The following CSMD2 variants were observed in gnomAD, a reference collection of about 807,000 sequenced individuals.
The protein encoded by CSMD2 is CUB and Sushi multiple domains 2, also known as CUB and sushi domain-containing protein 2.
CSMD2 carries 130 observed loss-of-function variants against 398.5 expected under a neutral mutation model. The observed-to-expected ratio is 0.33, with a 90% confidence interval of 0.28 to 0.38. The LOEUF (loss-of-function observed/expected upper bound fraction) is 0.38. Among genes scored for constraint, CSMD2 ranks in the 10% least tolerant of loss-of-function variants. The pLI, the probability that CSMD2 is intolerant of heterozygous loss-of-function variation, is 1.00. For missense variants in CSMD2, 3,829 were observed against 4,764.9 expected, an observed-to-expected ratio of 0.80 and a Z score of 5.78; for synonymous variants, 1,828 against 1,908.5, an observed-to-expected ratio of 0.96 and a Z score of 1.10.
intron 5 of CSMD2, among the ~76,000 whole-genome samples, chr1:33,915,371 C>T (rs1455655424): frequency 6.6e-6 from 1 of 152,176 alleles, no homozygotes; most frequent in Admixed American, 6.5e-5. Context: ...CCTGAGTCTC[C>T]AAGTTTGTTT....
At position 33,567,845 on chromosome 1, in the gene CSMD2, G is replaced by A. The variant is rs1570758010; in HGVS notation, c.8132-4C>T. 1 of 1,568,338 alleles carries A rather than the reference G, an allele frequency of 6.4e-7. No individual in the cohort carries two copies. The highest frequency in any genetic ancestry group is 1.2e-5 in the South Asian group (1 of 85,666). On this transcript the variant is annotated splice_region_variant and splice_polypyrimidine_tract_variant and intron_variant, in intron 52 of 70. Coordinates refer to ENST00000373381, the MANE Select transcript of CSMD2 (RefSeq NM_001281956.2). ...GAGTGGAGCTTGGTCTGAGTGGCTA[G>A]AGACAGGGATGGTGGGGAAAAGGAC...
chr1:34,011,034 A>C (rs145510288), intron 3 of CSMD2, among the ~76,000 whole-genome samples: 2,053 of 152,008 alleles, frequency 0.014, 27 homozygotes, highest in Non-Finnish European at 0.019. Context: ...ATTCACCTTA[A>C]GTCTGGCTTG....
chr1:33,636,667 C>G lies in CSMD2; in HGVS notation c.4775-113G>C, dbSNP rs149404521. 1 of 783,960 alleles carries G rather than the reference C, an allele frequency of 1.3e-6. No homozygotes were observed. The highest frequency in any genetic ancestry group is 2.1e-6 in the Non-Finnish European group (1 of 480,234). 48.6% of individuals were successfully genotyped at this position (783,960 alleles called of 1,614,324 possible). A position where few individuals can be genotyped will look rare whatever the true frequency, so the allele number is the denominator to read the frequency against. Reference sequence around the variant, plus strand: ...CGACTTTAATTAGCCACAGAGCACACGGGGATGCGTGACTGTGGCTCCTAT... The same window carrying G: ...CGACTTTAATTAGCCACAGAGCACAGGGGGATGCGTGACTGTGGCTCCTAT... On this transcript the variant is annotated intron_variant, in intron 29 of 70. Transcript: ENST00000373381. The surrounding 1 kb of genome is among the most constrained non-coding windows in gnomAD (Gnocchi z 4.8).
chr1:33,991,424 C>T (rs1646549896), intron 3 of CSMD2, among the ~76,000 whole-genome samples: 1 of 152,192 alleles, frequency 6.6e-6, no homozygotes, highest in South Asian at 2.1e-4. Context: ...TACCGCTGTA[C>T]ATCCTACATG....
At chr1:33,538,984 T>C (rs991004073) in intron 60 of CSMD2, among the ~76,000 whole-genome samples, 2 of 152,150 alleles carry the variant, frequency 1.3e-5, no homozygotes, top group Non-Finnish European at 2.9e-5. Context: ...ATTTTTTTTT[T>C]TGAGATGGAG....
intron 64 of CSMD2, among the ~76,000 whole-genome samples, chr1:33,532,344 G>A (rs1373604807): frequency 6.6e-6 from 1 of 152,206 alleles, no homozygotes; most frequent in Non-Finnish European, 1.5e-5. Context: ...TATCTGGTGA[G>A]GTGAGTGCCT....
chr1:34,008,517 A>C (rs1391956798), intron 3 of CSMD2, among the ~76,000 whole-genome samples: 2 of 152,182 alleles, frequency 1.3e-5, no homozygotes, highest in African/African-American at 4.8e-5. Flanking sequence ...AAGTCAGTAG[A>C]CTTGCGCCCA....
At chr1:33,690,720 G>A (rs1316710704) in intron 25 of CSMD2, among the ~76,000 whole-genome samples, 1 of 152,162 alleles carries the variant, frequency 6.6e-6, no homozygotes, top group Non-Finnish European at 1.5e-5. Flanking sequence ...GATCCACTAG[G>A]CATATAACTA....
chr1:33,992,465 C>G (rs1435929387), intron 3 of CSMD2, among the ~76,000 whole-genome samples: 1 of 152,038 alleles, frequency 6.6e-6, no homozygotes, highest in Non-Finnish European at 1.5e-5. Context: ...ACTTCAGCAC[C>G]TCAGCCTCCC....
chr1:33,616,473 A>C (rs889580411), intron 39 of CSMD2, among the ~76,000 whole-genome samples: 1 of 152,122 alleles, frequency 6.6e-6, no homozygotes, highest in Non-Finnish European at 1.5e-5. Flanking sequence ...CCTGACTTCA[A>C]GTGATCCGCC....
chr1:34,031,391 T>C (rs142600085), intron 3 of CSMD2, among the ~76,000 whole-genome samples: 1 of 152,040 alleles, frequency 6.6e-6, no homozygotes, highest in Non-Finnish European at 1.5e-5. Flanking sequence ...AAAAAGAAAT[T>C]AGGCTATTTC....
intron 25 of CSMD2, among the ~76,000 whole-genome samples, chr1:33,679,639 T>C (rs1644838317): frequency 6.6e-6 from 1 of 152,234 alleles, no homozygotes; most frequent in Non-Finnish European, 1.5e-5. Context: ...AGAAAGCATC[T>C]AGCACATAGT....
At chr1:33,631,918 T>C (rs919799032) in intron 32 of CSMD2, among the ~76,000 whole-genome samples, 9 of 152,084 alleles carry the variant, frequency 5.9e-5, no homozygotes, top group Middle Eastern at 3.2e-3. Context: ...TGGGGACTTA[T>C]AGTACCATGT....
chr1:33,667,185 C>T (rs1483609658), intron 25 of CSMD2, among the ~76,000 whole-genome samples: 4 of 152,084 alleles, frequency 2.6e-5, no homozygotes, highest in African/African-American at 4.8e-5. Flanking sequence ...ATGTGAAATC[C>T]TGAGGGTGAA....
chr1:33,662,840 G>T (rs1457467178), intron 26 of CSMD2, 50 bp downstream of exon 26: 1 of 1,517,716 alleles, frequency 6.6e-7, no homozygotes, highest in Non-Finnish European at 9.1e-7. Context: ...GAAGGTGGGT[G>T]CCATGTGTCA....
intron 3 of CSMD2, among the ~76,000 whole-genome samples, chr1:33,980,475 T>C (rs1269611956): frequency 6.6e-6 from 1 of 152,218 alleles, no homozygotes. Flanking sequence ...GAATGATTCA[T>C]TCATATACAT....
rs570842401 is a variant in CSMD2 at position 34,103,350 on chromosome 1, G to A, written c.188-14157C>T. Reference sequence around the variant, plus strand: ...TTCTCGCTCTGTCAACCAGGCTGGAGTGCAGTGGTGCGATCTCGGCTCACT... The same window carrying A: ...TTCTCGCTCTGTCAACCAGGCTGGAATGCAGTGGTGCGATCTCGGCTCACT... On this transcript the variant is annotated intron_variant, in intron 1 of 70. Transcript: ENST00000373381. Among the ~76,000 whole-genome samples the A allele has an allele frequency of 1.4e-4, 20 of 141,180 alleles. No homozygotes were observed. The East Asian group carries it at 2.0e-3, about 14-fold the overall frequency. The allele number at this position is 141,180 out of a possible 152,430, so 92.6% of individuals were successfully genotyped here.
chr1:33,621,873 T>C (rs1249871715), intron 37 of CSMD2, among the ~76,000 whole-genome samples: 2 of 152,158 alleles, frequency 1.3e-5, no homozygotes, highest in Non-Finnish European at 2.9e-5. Context: ...AAAGCACAAT[T>C]TTCTTACATC....
rs111393191 is a variant in CSMD2 at position 33,616,273 on chromosome 1, T to C, written c.6016+633A>G. ...TTTTTTTTGGGACGGAGTTGTGCTC[T>C]ATCACCCAGGCTGGAGTACAGTGGT... On this transcript the variant is annotated intron_variant, in intron 39 of 70. Transcript: ENST00000373381. Among the ~76,000 whole-genome samples the C allele has an allele frequency of 7.8e-4, 119 of 152,188 alleles. 1 individual carries two copies. Among genetic ancestry groups the C allele is most frequent in the Middle Eastern group, 3.4e-3 (1 of 294 alleles).
Sources: allele counts gnomAD v4.1 joint callset (sites outside exome capture counted in the v4.1 genomes callset), GRCh38; gene constraint gnomAD v4.1.1; non-coding constraint Gnocchi (gnomAD v3.1); transcripts MANE v1.5; gene names NCBI Gene and HGNC (gene_info 2026-07-23, HGNC 2026-07-21).